RABEP1: variants seen among roughly 807,000 people sequenced by gnomAD.
RABEP1 encodes the protein rabaptin, RAB GTPase binding effector protein 1.
In RABEP1, 51 loss-of-function variants were observed where a neutral mutation model predicts 123.4. That is an observed-to-expected ratio of 0.41 (90% CI 0.33 to 0.52). The LOEUF (loss-of-function observed/expected upper bound fraction) is 0.52, where lower values mean the gene tolerates loss of function less well. Among genes scored for constraint, RABEP1 ranks in the 20% least tolerant of loss-of-function variants. The probability of loss-of-function intolerance (pLI) is 0.16; values close to 1 mark genes in which losing one functional copy is unlikely to be tolerated. For synonymous variants in RABEP1, 347 were observed against 355.2 expected, an observed-to-expected ratio of 0.98 and a Z score of 0.26; for missense variants, 888 against 996.3, an observed-to-expected ratio of 0.89 and a Z score of 1.46.
chr17:5,383,286 AATT>A lies in RABEP1; in HGVS notation c.*70_*72del. On this transcript the variant is annotated 3_prime_UTR_variant, in exon 18 of 18. Transcript: ENST00000537505. The stretch of plus-strand genomic sequence containing the variant: ...TTTAACTCATCTTTAGAGCAACAGT[AATT>A]ATTATTTAACTCTTAACTGAAGAAA... 2 of 1,271,246 alleles carry A rather than the reference AATT, an allele frequency of 1.6e-6. No individual in the cohort carries two copies. The highest frequency in any genetic ancestry group is 2.3e-5 in the East Asian group (1 of 42,956). The allele number at this position is 1,271,246 out of a possible 1,614,324, so 78.7% of individuals were successfully genotyped here. A position where few individuals can be genotyped will look rare whatever the true frequency, so the allele number is the denominator to read the frequency against.
intron 5 of RABEP1, 123 bp downstream of exon 5, chr17:5,338,261 T>G (rs922731481): frequency 1.6e-6 from 2 of 1,279,074 alleles, no homozygotes; most frequent in East Asian, 2.7e-5. Context: ...TAAGAATCTT[T>G]CTTTAAAATG....
intron 1 of RABEP1, among the ~76,000 whole-genome samples, chr17:5,301,440 A>T (rs1240515144): frequency 4.6e-5 from 7 of 152,174 alleles, no homozygotes; most frequent in Admixed American, 4.6e-4. Flanking sequence ...CAAAGGATTG[A>T]TAGACAGCCA....
intron 10 of RABEP1, 39 bp from the exon 11 acceptor site, chr17:5,365,083 G>T: frequency 7.4e-7 from 1 of 1,343,250 alleles, no homozygotes; most frequent in Non-Finnish European, 1.0e-6. Flanking sequence ...AATTATAAAA[G>T]GATTCTGGTT....
rs531673902 is a variant in RABEP1, at chr17:5,375,660, C to T, written c.2026-1456C>T. On this transcript the variant is annotated intron_variant, in intron 13 of 17. Transcript: ENST00000537505. ...GGTCAAAGCTGCAGTGAGCTGAGAT[C>T]GCGCCACTGCCCTCCAGCCTGGGAG... 4.6e-5 allele frequency among the ~76,000 whole-genome samples: 7 copies of T among 151,644 alleles called. No individual in the cohort carries two copies. The South Asian group carries it at 1.3e-3, about 27-fold the overall frequency.
chr17:5,344,933 A>G (rs1159175544), intron 5 of RABEP1, among the ~76,000 whole-genome samples: 4 of 152,090 alleles, frequency 2.6e-5, no homozygotes, highest in African/African-American at 9.7e-5. Context: ...ACCACCCTCC[A>G]GCCTGGGCGA....
At position 5,386,332 on chromosome 17, in the gene RABEP1, G is replaced by A; in HGVS notation, c.*3109G>A. 1 of 1,241,498 alleles carries A rather than the reference G, an allele frequency of 8.1e-7. No individual in the cohort carries two copies. The highest frequency in any genetic ancestry group is 2.0e-5 in the Admixed American group (1 of 49,044). The allele number at this position is 1,241,498 out of a possible 1,614,324, so 76.9% of individuals were successfully genotyped here. On this transcript the variant is annotated 3_prime_UTR_variant, in exon 18 of 18. Coordinates refer to ENST00000537505, the MANE Select transcript of RABEP1 (RefSeq NM_004703.6). ...ATAAACCATTTATATGGATTCTTAA[G>A]AATTTAAACTGGTAATGTTGAAACA...
At chr17:5,382,427 TCCATAATCCCAACACA>T (rs1911551728) in intron 17 of RABEP1, among the ~76,000 whole-genome samples, 3 of 151,738 alleles carry the variant, frequency 2.0e-5, no homozygotes, top group Admixed American at 6.6e-5. Flanking sequence ...CTCATTTGTC[TCCATAATCCCAACACA>T]TTACACTTTA....
chr17:5,359,772 CA>C (rs1909340856), intron 8 of RABEP1, among the ~76,000 whole-genome samples: 1 of 151,992 alleles, frequency 6.6e-6, no homozygotes, highest in Admixed American at 6.6e-5. Context: ...GGGCGTTTAA[CA>C]ACAAAACGTA....
chr17:5,380,698 T>G (rs945748820), intron 16 of RABEP1, among the ~76,000 whole-genome samples: 5 of 152,218 alleles, frequency 3.3e-5, no homozygotes, highest in Admixed American at 2.6e-4. Context: ...TAGTAGGCAG[T>G]CAGGGCCATT....
At chr17:5,376,874 C>T (rs1036217077) in intron 13 of RABEP1, among the ~76,000 whole-genome samples, 3 of 152,070 alleles carry the variant, frequency 2.0e-5, no homozygotes, top group African/African-American at 7.2e-5. Context: ...GCTTATGAAA[C>T]AGTTTTGAGG....
intron 11 of RABEP1, among the ~76,000 whole-genome samples, chr17:5,367,484 T>G (rs1469735835): frequency 6.6e-6 from 1 of 151,894 alleles, no homozygotes; most frequent in Non-Finnish European, 1.5e-5. Flanking sequence ...TTGGCCAGGC[T>G]GGTCTCGAAC....
chr17:5,294,633 C>CTTTTTTTTTTTTTTTTTTTTTT lies in RABEP1; in HGVS notation c.34+12124_34+12145dup, dbSNP rs1185209680. Among the ~76,000 whole-genome samples, 3 of 53,024 alleles carry CTTTTTTTTTTTTTTTTTTTTTT rather than the reference C, an allele frequency of 5.7e-5. 1 individual carries two copies. The highest frequency in any genetic ancestry group is 6.9e-5 in the Non-Finnish European group (2 of 29,090). The allele number at this position is 53,024 out of a possible 152,430, so 34.8% of individuals were successfully genotyped here. A position where few individuals can be genotyped will look rare whatever the true frequency, so the allele number is the denominator to read the frequency against. On this transcript the variant is annotated intron_variant, in intron 1 of 17. Coordinates refer to ENST00000537505, the MANE Select transcript of RABEP1 (RefSeq NM_004703.6). ...AGATACTGAGGGAAAACGGTATTGT[C>CTTTTTTTTTTTTTTTTTTTTTT]TTTTTTTTTTTTTTTTTTTTTTTTT...
chr17:5,308,890 T>G, intron 2 of RABEP1, 68 bp downstream of exon 2: 3 of 1,374,578 alleles, frequency 2.2e-6, no homozygotes, highest in Non-Finnish European at 2.9e-6. Flanking sequence ...TTCTTGGTAG[T>G]AGTGTTAATT....
intron 2 of RABEP1, among the ~76,000 whole-genome samples, chr17:5,310,117 T>C (rs1355775258): frequency 6.6e-6 from 1 of 152,166 alleles, no homozygotes; most frequent in East Asian, 1.9e-4. Context: ...AGTACTACAG[T>C]TTGAAAAATC....
chr17:5,308,768 C>G lies in RABEP1; in HGVS notation c.109C>G (p.Gln37Glu), dbSNP rs1400340503. The G allele has an allele frequency of 6.2e-7, 1 of 1,611,074 alleles. No individual in the cohort carries two copies. Among genetic ancestry groups the G allele is most frequent in the South Asian group, 1.1e-5 (1 of 90,724 alleles). The change falls in exon 2 of 18, where the codon CAA becomes GAA. Residue 37 changes from glutamine to glutamate, a missense_variant. Physicochemically the swap from Gln to Glu is conservative, Grantham distance 29. Transcript: ENST00000537505. ...TTTACGTGCACAACAGCAGCTTGAA[C>G]AAGAATTTAATCAAAAGAGAGCAAA... ...EFLRAQQQLE[Q>E]EFNQKRAKFK... is the part of the protein sequence containing the mutation.
chr17:5,349,327 C>T (rs1908329316), intron 6 of RABEP1, among the ~76,000 whole-genome samples: 1 of 152,164 alleles, frequency 6.6e-6, no homozygotes, highest in African/African-American at 2.4e-5. Flanking sequence ...TGGTCTAAGG[C>T]AGAAGCCAGA....
At chr17:5,343,414 T>C (rs567796956) in intron 5 of RABEP1, among the ~76,000 whole-genome samples, 1 of 152,044 alleles carries the variant, frequency 6.6e-6, no homozygotes, top group South Asian at 2.1e-4. Flanking sequence ...ATTAGCCAGA[T>C]GTGGTGGTGC....
intron 4 of RABEP1, among the ~76,000 whole-genome samples, chr17:5,337,701 A>G (rs75368907): frequency 0.069 from 10,567 of 152,072 alleles, 522 homozygotes; most frequent in Middle Eastern, 0.099. Context: ...TCAAAAAAAA[A>G]AATTTATTTA....
chr17:5,344,771 C>CAA (rs1177790100), intron 5 of RABEP1, among the ~76,000 whole-genome samples: 14,796 of 46,456 alleles, frequency 0.32, 2,258 homozygotes, highest in East Asian at 0.58. Context: ...GACACTGTCT[C>CAA]AAAAAAAAAA....
Sources: gnomAD v4.1 joint callset for allele counts (sites outside exome capture counted in the v4.1 genomes callset) on GRCh38, gnomAD v4.1.1 for gene constraint, MANE v1.5 for transcripts, NCBI Gene and HGNC (gene_info 2026-07-23, HGNC 2026-07-21) for gene names.